Variants in FRMD3 observed in about 807,000 individuals in gnomAD.
The protein encoded by FRMD3 is FERM domain-containing protein 3.
A neutral mutation model predicts 70.2 loss-of-function variants in FRMD3; 33 were observed. The observed-to-expected ratio is 0.47, with a 90% CI of 0.36 to 0.63. The LOEUF is 0.63. Ranked by LOEUF, FRMD3 falls within the 20% of genes least tolerant of loss-of-function variation. The pLI is 0.00. For synonymous variants in FRMD3, 279 were observed against 255.9 expected (o/e 1.09, Z -0.86); for missense variants, 632 against 711.4 (o/e 0.89, Z 1.27).
chr9:83,453,980 G>C (rs1247929934), intron 1 of FRMD3, among the ~76,000 whole-genome samples: 1 of 152,120 alleles, frequency 6.6e-6, no homozygotes, highest in Non-Finnish European at 1.5e-5. Context: ...CTACTAAAGT[G>C]CTGGGATTAC....
In FRMD3 at chr9:83,282,403, C is replaced by T. The variant is rs529773984; in HGVS notation, c.1195+8200G>A. The stretch of plus-strand genomic sequence containing the variant: ...GGCCAGAAATAAGTGGTGCTGGGCC[C>T]GCCACAGGCTATATATTGCTAACCC... On this transcript the variant is annotated intron_variant, in intron 13 of 13. Transcript: ENST00000304195. Among the ~76,000 whole-genome samples, 3 of 152,256 alleles carry T rather than the reference C, an allele frequency of 2.0e-5. No individual in the cohort carries two copies. In the South Asian group the frequency reaches 6.2e-4, roughly 32 times the overall value.
At chr9:83,261,102 GACACACACACACAC>G (rs59345002) in intron 13 of FRMD3, among the ~76,000 whole-genome samples, 18,629 of 133,126 alleles carry the variant, frequency 0.14, 1,398 homozygotes, top group East Asian at 0.2. Context: ...AGGAAACTTA[GACACACACACACAC>G]ACACACACAC....
intron 1 of FRMD3, among the ~76,000 whole-genome samples, chr9:83,400,496 C>A (rs1289908305): frequency 1.3e-5 from 2 of 152,142 alleles, no homozygotes; most frequent in African/African-American, 4.8e-5. Flanking sequence ...AGATTCAATG[C>A]AAGCTCCATC....
chr9:83,250,228 G>C (rs921195626), intron 13 of FRMD3, among the ~76,000 whole-genome samples: 10 of 152,084 alleles, frequency 6.6e-5, no homozygotes, highest in Admixed American at 1.3e-4. Flanking sequence ...GCCAAGTGCA[G>C]TGTTGAGTGA....
upstream of FRMD3, among the ~76,000 whole-genome samples, chr9:83,540,802 A>G (rs1829991423): frequency 1.3e-5 from 2 of 152,268 alleles, no homozygotes; most frequent in African/African-American, 4.8e-5. Context: ...TACAAACAAC[A>G]GAGCTCAAAG....
At chr9:83,369,564 G>A (rs573830194) in intron 3 of FRMD3, among the ~76,000 whole-genome samples, 1 of 149,952 alleles carries the variant, frequency 6.7e-6, no homozygotes, top group African/African-American at 2.5e-5. Context: ...ATGACAGAGT[G>A]AGACTCTGTC....
chr9:83,251,140 T>C (rs1832400947), intron 13 of FRMD3, among the ~76,000 whole-genome samples: 1 of 152,198 alleles, frequency 6.6e-6, no homozygotes, highest in South Asian at 2.1e-4. Context: ...ACCCCTGGGA[T>C]GGAGCTTCCA....
At chr9:83,370,874 G>GC (rs1167882216) in intron 3 of FRMD3, among the ~76,000 whole-genome samples, 2 of 152,114 alleles carry the variant, frequency 1.3e-5, no homozygotes, top group Admixed American at 1.3e-4. Flanking sequence ...TTGCACCACT[G>GC]CACTAAAGCC....
At chr9:83,353,731 C>T (rs1365940054) in intron 3 of FRMD3, among the ~76,000 whole-genome samples, 1 of 152,180 alleles carries the variant, frequency 6.6e-6, no homozygotes, top group African/African-American at 2.4e-5. Context: ...AGCCTCTTTT[C>T]TCAGCTTCTG....
the FRMD3 span, among the ~76,000 whole-genome samples, chr9:83,547,688 C>A: frequency 2.6e-5 from 4 of 152,096 alleles, no homozygotes; most frequent in Non-Finnish European, 4.4e-5. Flanking sequence ...ATTAAATGGA[C>A]CTAACAGACA....
chr9:83,541,843 T>C (rs574731551), upstream of FRMD3, among the ~76,000 whole-genome samples: 2 of 152,332 alleles, frequency 1.3e-5, no homozygotes, highest in South Asian at 4.1e-4. Context: ...ACAAGATTTC[T>C]ACACCAGGTG....
chr9:83,308,895 CAG>C (rs928966892), intron 10 of FRMD3, among the ~76,000 whole-genome samples: 2 of 152,062 alleles, frequency 1.3e-5, no homozygotes, highest in Non-Finnish European at 2.9e-5. Context: ...CCAGAAATAT[CAG>C]AGAGTATTAA....
the FRMD3 span, among the ~76,000 whole-genome samples, chr9:83,543,717 C>A: frequency 1.3e-5 from 2 of 152,174 alleles, no homozygotes; most frequent in Admixed American, 6.5e-5. Flanking sequence ...CAAGGGAACA[C>A]CTGTTAGGAC....
At position 83,246,629 on chromosome 9, in the gene FRMD3, A is replaced by T. The variant is rs1587605994; in HGVS notation, c.*1289T>A. On this transcript the variant is annotated 3_prime_UTR_variant, in exon 14 of 14. Coordinates refer to ENST00000304195, the MANE Select transcript of FRMD3 (RefSeq NM_174938.6). ...AAACATGATCATGGACATGTATCAA[A>T]AAGCCATTCATATTCTCTCTCTCTC... The T allele has an allele frequency of 4.1e-6, 4 of 981,132 alleles. No individual in the cohort carries two copies. The highest frequency in any genetic ancestry group is 4.8e-6 in the Non-Finnish European group (4 of 828,898). The allele number at this position is 981,132 out of a possible 1,614,324, so 60.8% of individuals were successfully genotyped here. A position where few individuals can be genotyped will look rare whatever the true frequency, so the allele number is the denominator to read the frequency against.
rs114966526 is a variant in FRMD3, at chr9:83,410,473, C to T, written c.148-20765G>A. Among the ~76,000 whole-genome samples the T allele has an allele frequency of 4.0e-3, 603 of 152,276 alleles. 4 individuals carry two copies. Among genetic ancestry groups the T allele is most frequent in the African/African-American group, 0.014 (571 of 41,562 alleles). On this transcript the variant is annotated intron_variant, in intron 1 of 13. Transcript: ENST00000304195. Reference sequence around the variant, plus strand: ...GTTGCACCCATGTTGCCACAAGGAACATGATTTCATTTTTTATGACTGAAT... The same window carrying T: ...GTTGCACCCATGTTGCCACAAGGAATATGATTTCATTTTTTATGACTGAAT...
At chr9:83,484,311 T>A (rs1233509572) in intron 1 of FRMD3, among the ~76,000 whole-genome samples, 1 of 152,240 alleles carries the variant, frequency 6.6e-6, no homozygotes, top group Non-Finnish European at 1.5e-5. Context: ...GAATTTTTTC[T>A]AAGTTATCAA....
intron 1 of FRMD3, among the ~76,000 whole-genome samples, chr9:83,394,717 A>G (rs760833746): frequency 6.6e-6 from 1 of 152,094 alleles, no homozygotes; most frequent in Non-Finnish European, 1.5e-5. Context: ...AACGGGTTGG[A>G]TTTACCCCTT....
intron 3 of FRMD3, among the ~76,000 whole-genome samples, chr9:83,371,929 G>A (rs1310587296): frequency 6.6e-6 from 1 of 152,210 alleles, no homozygotes; most frequent in African/African-American, 2.4e-5. Flanking sequence ...TACGCTGCCT[G>A]CTAGTTTGTC....
chr9:83,400,644 T>C (rs1825928722), intron 1 of FRMD3, among the ~76,000 whole-genome samples: 1 of 152,144 alleles, frequency 6.6e-6, no homozygotes, highest in South Asian at 2.1e-4. Context: ...ACTATAAAGT[T>C]ACAGTGATGA....
Sources: gnomAD v4.1 joint callset for allele counts (sites outside exome capture counted in the v4.1 genomes callset) on GRCh38, gnomAD v4.1.1 for gene constraint, MANE v1.5 for transcripts, NCBI Gene and HGNC (gene_info 2026-07-23, HGNC 2026-07-21) for gene names.